The following EBAG9 variants were observed in gnomAD, a reference collection of about 807,000 sequenced individuals.
EBAG9 encodes the protein estrogen receptor binding site associated antigen 9.
EBAG9 carries 16 observed loss-of-function variants against 30.9 expected under a neutral mutation model. The ratio of observed to expected loss-of-function variants is 0.52; its 90% CI spans 0.35 to 0.79. EBAG9 has a LOEUF of 0.79. EBAG9 is among the 30% of genes least tolerant of loss of function. EBAG9 has a pLI of 0.01. For missense variants in EBAG9, 197 were observed against 242.1 expected, an observed-to-expected ratio of 0.81 and a Z score of 1.24; for synonymous variants, 93 against 82.8, an observed-to-expected ratio of 1.12 and a Z score of -0.67.
intron 1 of EBAG9, among the ~76,000 whole-genome samples, chr8:109,548,906 C>CTTTTTTTTTTTTTTTTTTT (rs1821440019): frequency 1.2e-5 from 1 of 80,224 alleles, no homozygotes; most frequent in Non-Finnish European, 2.3e-5. Flanking sequence ...TTTTTTTTTG[C>CTTTTTTTTTTTTTTTTTTT]TGGATTGCAT....
chr8:109,540,654 A>G (rs1397439246), intron 1 of EBAG9, 193 bp downstream of exon 1: 1 of 152,098 alleles, frequency 6.6e-6, no homozygotes, highest in Admixed American at 6.5e-5. Context: ...TTTTACTACC[A>G]GCTCTCACAC....
At position 109,564,498 on chromosome 8, in the gene EBAG9, A is replaced by C. The variant is rs746069867; in HGVS notation, c.581A>C (p.Glu194Ala). The change falls in exon 7 of 7, where the codon GAA becomes GCA. Residue 194 changes from glutamate to alanine, a missense_variant. Transcript: ENST00000337573. The stretch of plus-strand genomic sequence containing the variant: ...GCCGAACAACAAAGGAAGAAAATGG[A>C]AAAGGAAGCACAACGGCTAATGAAG... Reference protein sequence around the residue: ...RAAEQQRKKMEKEAQRLMKKE... With the variant: ...RAAEQQRKKMAKEAQRLMKKE... The C allele has an allele frequency of 1.9e-6, 3 of 1,612,648 alleles. No individual in the cohort carries two copies. Among genetic ancestry groups the C allele is most frequent in the Non-Finnish European group, 2.5e-6 (3 of 1,179,022 alleles).
intron 5 of EBAG9, chr8:109,558,045 C>G (rs1821636163): frequency 6.3e-6 from 1 of 159,604 alleles, no homozygotes; most frequent in South Asian, 1.6e-4. Context: ...GCCACTAAAT[C>G]CAGCCCACAT....
chr8:109,559,576 T>C (rs1220556754), intron 5 of EBAG9, among the ~76,000 whole-genome samples: 2 of 151,990 alleles, frequency 1.3e-5, no homozygotes, highest in Non-Finnish European at 2.9e-5. Context: ...ATTTGGGAAA[T>C]TGAGGCAGGA....
In EBAG9 at chr8:109,551,056, A is replaced by T. The variant is rs181501997; in HGVS notation, c.83+149A>T. ...TATTCATTAATTCCTAGTCATTTTT[A>T]GATACTTTTTCTCTACTTCAGATCT... On this transcript the variant is annotated intron_variant, in intron 2 of 6. Transcript: ENST00000337573. 18 of 579,170 alleles carry T rather than the reference A, an allele frequency of 3.1e-5. No homozygotes were observed. In the Admixed American group the frequency reaches 4.1e-4, roughly 13 times the overall value. The allele number at this position is 579,170 out of a possible 1,614,324, so 35.9% of individuals were successfully genotyped here. A position where few individuals can be genotyped will look rare whatever the true frequency, so the allele number is the denominator to read the frequency against.
rs368522796 is a variant in EBAG9 at position 109,560,832 on chromosome 8, T to A, written c.430-6T>A. 6.2e-7 allele frequency: 1 copy of A among 1,607,390 alleles called. No individual in the cohort carries two copies. The highest frequency in any genetic ancestry group is 1.7e-5 in the Admixed American group (1 of 59,830). ...TCTCTTAATTTTGTTTTACTTTTCATTGTAGTCTGAATTAGGTGACTTAGA... is the reference window on the plus strand; with the variant it reads ...TCTCTTAATTTTGTTTTACTTTTCAATGTAGTCTGAATTAGGTGACTTAGA... On this transcript the variant is annotated splice_polypyrimidine_tract_variant and splice_region_variant and intron_variant, in intron 5 of 6. Coordinates refer to ENST00000337573, the MANE Select transcript of EBAG9 (RefSeq NM_004215.5).
chr8:109,541,678 G>T (rs1319711411), intron 1 of EBAG9, among the ~76,000 whole-genome samples: 1 of 152,200 alleles, frequency 6.6e-6, no homozygotes, highest in Non-Finnish European at 1.5e-5. Flanking sequence ...ATTCCTCAGG[G>T]ATAAGTTTAT....
chr8:109,540,487 T>C (rs1369716769), intron 1 of EBAG9, 26 bp downstream of exon 1: 1 of 152,132 alleles, frequency 6.6e-6, no homozygotes, highest in Non-Finnish European at 1.5e-5. Flanking sequence ...CATCAACAAA[T>C]TTCACGTGGG....
intron 1 of EBAG9, among the ~76,000 whole-genome samples, chr8:109,542,678 T>G (rs1036992412): frequency 1.3e-5 from 2 of 152,212 alleles, no homozygotes; most frequent in Non-Finnish European, 2.9e-5. Context: ...TTAAATGAAG[T>G]GATTGTTCAC....
chr8:109,551,106 G>C (rs1428778813), intron 2 of EBAG9, among the ~76,000 whole-genome samples, 199 bp downstream of exon 2: 1 of 151,794 alleles, frequency 6.6e-6, no homozygotes, highest in African/African-American at 2.4e-5. Context: ...CAGTTGTTTT[G>C]TTCATTCAAA....
chr8:109,547,160 C>A (rs1226895949), intron 1 of EBAG9, among the ~76,000 whole-genome samples: 1 of 151,990 alleles, frequency 6.6e-6, no homozygotes, highest in African/African-American at 2.4e-5. Context: ...AAATACAAGT[C>A]TTTATATGGC....
At chr8:109,549,740 T>G (rs1821455646) in intron 1 of EBAG9, among the ~76,000 whole-genome samples, 1 of 152,062 alleles carries the variant, frequency 6.6e-6, no homozygotes, top group Non-Finnish European at 1.5e-5. Flanking sequence ...GGCAAAAGTC[T>G]GTTATTAAGG....
chr8:109,563,382 A>T, intron 6 of EBAG9: 2 of 1,594,056 alleles, frequency 1.3e-6, no homozygotes, highest in Non-Finnish European at 1.7e-6. Flanking sequence ...ATTTTCTCAC[A>T]CCCTAACCCT....
intron 1 of EBAG9, among the ~76,000 whole-genome samples, chr8:109,541,206 G>A (rs1206514461): frequency 6.6e-6 from 1 of 152,098 alleles, no homozygotes; most frequent in African/African-American, 2.4e-5. Flanking sequence ...GAAATTTAAT[G>A]TTAAGATTAG....
chr8:109,542,807 G>A (rs1821303612), intron 1 of EBAG9, among the ~76,000 whole-genome samples: 2 of 152,030 alleles, frequency 1.3e-5, no homozygotes, highest in Admixed American at 1.3e-4. Flanking sequence ...GAGAAGGGTT[G>A]TACAGGGCAA....
Position 109,565,254 on chromosome 8 carries a change from A to G in EBAG9, c.*695A>G, listed in dbSNP as rs1821803757. On this transcript the variant is annotated 3_prime_UTR_variant, in exon 7 of 7. Coordinates refer to ENST00000337573, the MANE Select transcript of EBAG9 (RefSeq NM_004215.5). ...TAAACATTGAAAATCAACTAAAATG[A>G]CATTTGTTCTACATTATAACTTGTG... 6.6e-6 allele frequency: 1 copy of G among 152,522 alleles called. No homozygotes were observed. The highest frequency in any genetic ancestry group is 2.4e-5 in the African/African-American group (1 of 41,448). The allele number at this position is 152,522 out of a possible 1,614,324, so 9.4% of individuals were successfully genotyped here.
intron 5 of EBAG9, among the ~76,000 whole-genome samples, chr8:109,559,442 A>ATTTT (rs1821668414): frequency 6.6e-6 from 1 of 152,212 alleles, no homozygotes; most frequent in Non-Finnish European, 1.5e-5. Context: ...TAGGTGACAG[A>ATTTT]GTGAGACCTT....
intron 5 of EBAG9, 89 bp from the exon 6 acceptor site, chr8:109,560,749 A>T: frequency 1.2e-6 from 1 of 850,468 alleles, no homozygotes; most frequent in Non-Finnish European, 1.9e-6. Flanking sequence ...ACAGGTTCTG[A>T]GTTATGTGTT....
At chr8:109,559,893 G>A (rs1821677555) in intron 5 of EBAG9, among the ~76,000 whole-genome samples, 1 of 151,854 alleles carries the variant, frequency 6.6e-6, no homozygotes, top group Non-Finnish European at 1.5e-5. Flanking sequence ...TTTCAAGGCT[G>A]TCATTTGCAC....
Sources: allele counts gnomAD v4.1 joint callset (sites outside exome capture counted in the v4.1 genomes callset), GRCh38; gene constraint gnomAD v4.1.1; transcripts MANE v1.5; gene names NCBI Gene and HGNC (gene_info 2026-07-23, HGNC 2026-07-21).